IGFL2: variants seen among roughly 807,000 people sequenced by gnomAD.
IGFL2 encodes insulin growth factor-like family member 2.
IGFL2 carries 7 observed loss-of-function variants against 13.9 expected under a neutral mutation model. That is an observed-to-expected ratio of 0.51 (90% CI 0.29 to 0.95). The LOEUF is 0.95. Ranked by LOEUF, IGFL2 falls within the 40% of genes least tolerant of loss-of-function variation. The pLI is 0.08. For missense variants in IGFL2, 138 were observed against 147.8 expected (o/e 0.93, Z 0.34); for synonymous variants, 55 against 55.8 (o/e 0.99, Z 0.07).
At chr19:46,081,743 G>A in the IGFL2 span, among the ~76,000 whole-genome samples, 5 of 152,186 alleles carry the variant, frequency 3.3e-5, no homozygotes, top group African/African-American at 1.2e-4. Context: ...TGCCCTGAAT[G>A]CCCTCAGTGC....
chr19:46,124,270 G>A, the IGFL2 span: 2 of 1,610,628 alleles, frequency 1.2e-6, no homozygotes, highest in Non-Finnish European at 1.7e-6. Context: ...GTCCTTACCT[G>A]TAGTTCCTTT....
At chr19:46,205,654 C>T in the IGFL2 span, among the ~76,000 whole-genome samples, 5 of 152,210 alleles carry the variant, frequency 3.3e-5, no homozygotes, top group East Asian at 5.8e-4. Context: ...GCCTATTAAA[C>T]CCCTGCTCCT....
At chr19:46,127,386 ATAAG>A in the IGFL2 span, among the ~76,000 whole-genome samples, 78 of 152,310 alleles carry the variant, frequency 5.1e-4, no homozygotes, top group African/African-American at 1.8e-3. Flanking sequence ...GAGAAAGAGA[ATAAG>A]AAAGAAAGAA....
At chr19:46,088,158 A>G in the IGFL2 span, among the ~76,000 whole-genome samples, 2 of 152,054 alleles carry the variant, frequency 1.3e-5, no homozygotes, top group African/African-American at 2.4e-5. Flanking sequence ...GCCTCCCATT[A>G]CTTCTCTGTT....
chr19:46,139,938 T>TCACACA (rs144249757), upstream of IGFL2, among the ~76,000 whole-genome samples: 2 of 150,308 alleles, frequency 1.3e-5, no homozygotes, highest in Non-Finnish European at 3.0e-5. Flanking sequence ...TTTCACGCAC[T>TCACACA]CACACACACA....
chr19:46,172,185 G>A, the IGFL2 span, among the ~76,000 whole-genome samples: 6 of 152,162 alleles, frequency 3.9e-5, no homozygotes, highest in Non-Finnish European at 7.3e-5. Context: ...AGAAGAAATC[G>A]TGTAAAGCCT....
At chr19:46,116,071 A>G in the IGFL2 span, among the ~76,000 whole-genome samples, 1 of 151,830 alleles carries the variant, frequency 6.6e-6, no homozygotes, top group Non-Finnish European at 1.5e-5. Flanking sequence ...TGGATTGTTC[A>G]TTTCCCAATC....
At chr19:46,202,189 T>C in the IGFL2 span, among the ~76,000 whole-genome samples, 1 of 152,054 alleles carries the variant, frequency 6.6e-6, no homozygotes, top group African/African-American at 2.4e-5. Flanking sequence ...GAGCAGAGAC[T>C]AGGGAGGAAC....
chr19:46,091,404 A>C, the IGFL2 span, among the ~76,000 whole-genome samples: 149 of 152,334 alleles, frequency 9.8e-4, 1 homozygote, highest in African/African-American at 3.4e-3. Flanking sequence ...GGTGCTTGGC[A>C]TGTAAGGTGC....
the IGFL2 span, among the ~76,000 whole-genome samples, chr19:46,194,027 G>T: frequency 1.2e-4 from 18 of 152,198 alleles, no homozygotes; most frequent in African/African-American, 3.6e-4. Flanking sequence ...TTTCCTTTTG[G>T]TCAGATTCCA....
At chr19:46,179,101 T>A in the IGFL2 span, among the ~76,000 whole-genome samples, 1 of 149,332 alleles carries the variant, frequency 6.7e-6, no homozygotes, top group African/African-American at 2.5e-5. Context: ...TCCGGGCAGA[T>A]CTGGTTGTGG....
chr19:46,100,869 A>C, the IGFL2 span, among the ~76,000 whole-genome samples: 2 of 151,558 alleles, frequency 1.3e-5, no homozygotes, highest in African/African-American at 4.9e-5. Flanking sequence ...AAGTTTGTCT[A>C]GTTTGAGGCT....
At chr19:46,164,038 A>G (rs1974279942), downstream of IGFL2, 1 of 152,306 alleles carries the variant, frequency 6.6e-6, no homozygotes, top group South Asian at 2.1e-4. Context: ...GGACCTGCTT[A>G]AAGAAACAGT....
downstream of IGFL2, among the ~76,000 whole-genome samples, chr19:46,163,263 A>T (rs2146899342): frequency 6.6e-6 from 1 of 152,296 alleles, no homozygotes; most frequent in South Asian, 2.1e-4. Flanking sequence ...TGCCCACTGC[A>T]GCTCTGGGGT....
At chr19:46,214,530 G>C in the IGFL2 span, 2 of 152,114 alleles carry the variant, frequency 1.3e-5, no homozygotes, top group African/African-American at 4.8e-5. Context: ...CCAAGTCACC[G>C]GCCACCTCCC....
the IGFL2 span, among the ~76,000 whole-genome samples, chr19:46,125,192 C>A: frequency 6.6e-6 from 1 of 152,202 alleles, no homozygotes; most frequent in Non-Finnish European, 1.5e-5. Context: ...GCCACCTGCT[C>A]TAGCAGTTGA....
the IGFL2 span, among the ~76,000 whole-genome samples, chr19:46,169,508 G>T: frequency 1.3e-5 from 2 of 152,180 alleles, no homozygotes; most frequent in Admixed American, 6.5e-5. Flanking sequence ...ATCTGTATTG[G>T]TGATAGTGTT....
chr19:46,195,575 A>G, the IGFL2 span, among the ~76,000 whole-genome samples: 1 of 152,002 alleles, frequency 6.6e-6, no homozygotes, highest in Non-Finnish European at 1.5e-5. Flanking sequence ...GTCTAAATGT[A>G]TGTATTTATT....
chr19:46,134,819 A>G, the IGFL2 span, among the ~76,000 whole-genome samples: 1 of 152,188 alleles, frequency 6.6e-6, no homozygotes, highest in Admixed American at 6.5e-5. Flanking sequence ...CTAAAAGCAG[A>G]CACACTGGTA....
Sources: allele counts gnomAD v4.1 joint callset (sites outside exome capture counted in the v4.1 genomes callset), GRCh38; gene constraint gnomAD v4.1.1; transcripts MANE v1.5; gene names NCBI Gene and HGNC (gene_info 2026-07-23, HGNC 2026-07-21).